Variants in PID1 observed in about 807,000 individuals in gnomAD.
PID1 encodes phosphotyrosine interaction domain containing 1, also known as PTB-containing, cubilin and LRP1-interacting protein.
A neutral mutation model predicts 19.1 loss-of-function variants in PID1; 10 were observed. The observed-to-expected ratio is 0.52, with a 90% CI of 0.32 to 0.89. The LOEUF (loss-of-function observed/expected upper bound fraction) is 0.89. PID1 is among the 40% of genes least tolerant of loss of function. The probability of loss-of-function intolerance (pLI) is 0.03; values close to 1 mark genes in which losing one functional copy is unlikely to be tolerated. For synonymous variants in PID1, 130 were observed against 116.0 expected, an observed-to-expected ratio of 1.12 and a Z score of -0.78; for missense variants, 248 against 285.3, an observed-to-expected ratio of 0.87 and a Z score of 0.94.
intron 2 of PID1, among the ~76,000 whole-genome samples, chr2:229,095,246 T>C (rs866201965): frequency 3.9e-4 from 60 of 152,284 alleles, no homozygotes; most frequent in Middle Eastern, 3.4e-3. Context: ...ATTTAGGTTT[T>C]TGCATTTCAA....
chr2:229,192,047 ATATAAG>A (rs1379248719), intron 1 of PID1, among the ~76,000 whole-genome samples: 2 of 152,138 alleles, frequency 1.3e-5, no homozygotes, highest in African/African-American at 2.4e-5. Context: ...AACACACACT[ATATAAG>A]TATAAAGGGA....
intron 1 of PID1, among the ~76,000 whole-genome samples, chr2:229,179,327 C>T (rs1396602731): frequency 6.6e-6 from 1 of 152,098 alleles, no homozygotes; most frequent in African/African-American, 2.4e-5. Context: ...AAAACAGAGC[C>T]CTTCCATGTA....
At chr2:229,094,376 A>G (rs1476809503) in intron 2 of PID1, among the ~76,000 whole-genome samples, 1 of 152,174 alleles carries the variant, frequency 6.6e-6, no homozygotes, top group Admixed American at 6.5e-5. Flanking sequence ...ATCCAAGGCA[A>G]TCTACATATT....
chr2:229,187,786 C>T (rs1479276016), intron 1 of PID1, among the ~76,000 whole-genome samples: 1 of 152,164 alleles, frequency 6.6e-6, no homozygotes, highest in Admixed American at 6.5e-5. Context: ...CTAATCTCTC[C>T]TCCACCACAG....
At chr2:229,262,358 T>A (rs189680973) in intron 1 of PID1, among the ~76,000 whole-genome samples, 8 of 152,162 alleles carry the variant, frequency 5.3e-5, no homozygotes, top group African/African-American at 1.9e-4. Flanking sequence ...CATGTTACAC[T>A]CAAGGTTTGC....
chr2:229,107,256 T>C (rs1695196087), intron 2 of PID1, among the ~76,000 whole-genome samples: 1 of 152,146 alleles, frequency 6.6e-6, no homozygotes, highest in Non-Finnish European at 1.5e-5. Context: ...AAGTTCCTGT[T>C]GTTTTAAGCC....
rs552240732 is a variant in PID1, at chr2:229,089,620, G to A, written c.178-63512C>T. Among the ~76,000 whole-genome samples, 11 of 152,198 alleles carry A rather than the reference G, an allele frequency of 7.2e-5. No homozygotes were observed. In the East Asian group the frequency reaches 1.4e-3, roughly 19 times the overall value. ...TGAAATCTGTAAAATGCTAGGAGGC[G>A]TATTAATTAACTGCAGAGATGCTAA... On this transcript the variant is annotated intron_variant, in intron 2 of 2. Coordinates refer to ENST00000392055, the MANE Select transcript of PID1 (RefSeq NM_001100818.2).
chr2:229,270,942 A>G, intron 1 of PID1, 72 bp downstream of exon 1: 2 of 1,396,446 alleles, frequency 1.4e-6, no homozygotes, highest in Non-Finnish European at 1.9e-6. Context: ...AGTAGGCAGA[A>G]GCAAAAACTA....
chr2:229,194,542 AT>A (rs1691330390), intron 1 of PID1, among the ~76,000 whole-genome samples: 1 of 152,056 alleles, frequency 6.6e-6, no homozygotes, highest in Non-Finnish European at 1.5e-5. Context: ...ATACAATAAG[AT>A]TACACTAAAT....
chr2:229,258,912 A>G (rs1690381420), intron 1 of PID1, among the ~76,000 whole-genome samples: 1 of 151,206 alleles, frequency 6.6e-6, no homozygotes, highest in Non-Finnish European at 1.5e-5. Context: ...CAACCCCAAA[A>G]CTTACCCCAA....
chr2:229,217,583 G>C (rs1378126067), intron 1 of PID1, among the ~76,000 whole-genome samples: 1 of 152,166 alleles, frequency 6.6e-6, no homozygotes, highest in Admixed American at 6.5e-5. Context: ...GGGCTGGTTG[G>C]AGAAGGTCAG....
intron 2 of PID1, among the ~76,000 whole-genome samples, chr2:229,027,600 C>A (rs752055283): frequency 2.6e-5 from 4 of 152,062 alleles, no homozygotes; most frequent in Non-Finnish European, 4.4e-5. Context: ...CAGTGGCATA[C>A]TGATGACAGA....
At chr2:229,129,511 T>C (rs533504672) in intron 2 of PID1, among the ~76,000 whole-genome samples, 49 of 152,220 alleles carry the variant, frequency 3.2e-4, no homozygotes, top group African/African-American at 1.2e-3. Context: ...AATGTGACTA[T>C]GGTAATAAGT....
chr2:229,167,430 T>C (rs546593287), intron 1 of PID1, among the ~76,000 whole-genome samples: 2 of 152,272 alleles, frequency 1.3e-5, no homozygotes, highest in South Asian at 4.1e-4. Context: ...ACGCCACTTC[T>C]GTAGTAGTCC....
At chr2:229,111,445 T>C (rs1312175072) in intron 2 of PID1, among the ~76,000 whole-genome samples, 1 of 152,166 alleles carries the variant, frequency 6.6e-6, no homozygotes, top group African/African-American at 2.4e-5. Context: ...CATAGAAACA[T>C]ATAGTAATAT....
chr2:229,100,001 T>TG (rs1263786480), intron 2 of PID1, among the ~76,000 whole-genome samples: 2 of 152,162 alleles, frequency 1.3e-5, no homozygotes, highest in African/African-American at 2.4e-5. Context: ...ACCCTCATGA[T>TG]GGGGGACAAG....
chr2:229,159,356 A>C (rs7609156), intron 1 of PID1, among the ~76,000 whole-genome samples: 30,026 of 152,216 alleles, frequency 0.2, 3,288 homozygotes, highest in Non-Finnish European at 0.25. Flanking sequence ...GTGTTGTTGT[A>C]AAGGTATTTT....
At chr2:229,032,117 G>A (rs542075434) in intron 2 of PID1, among the ~76,000 whole-genome samples, 1 of 152,124 alleles carries the variant, frequency 6.6e-6, no homozygotes, top group Admixed American at 6.5e-5. Context: ...TGTGTATTTG[G>A]GCCATGGAGT....
At chr2:229,148,787 GGA>G (rs764550620) in intron 2 of PID1, among the ~76,000 whole-genome samples, 1 of 150,982 alleles carries the variant, frequency 6.6e-6, no homozygotes, top group Admixed American at 6.6e-5. Flanking sequence ...AAGAAGGAAG[GGA>G]GAGAGAGAGG....
Sources: allele counts gnomAD v4.1 joint callset (sites outside exome capture counted in the v4.1 genomes callset), GRCh38; gene constraint gnomAD v4.1.1; transcripts MANE v1.5; gene names NCBI Gene and HGNC (gene_info 2026-07-23, HGNC 2026-07-21).